The following ARID2 variants were observed in gnomAD, a reference collection of about 807,000 sequenced individuals.
The protein encoded by ARID2 is AT-rich interaction domain 2.
In ARID2, 32 loss-of-function variants were observed where a neutral mutation model predicts 184.6. The observed-to-expected ratio is 0.17, with a 90% confidence interval of 0.13 to 0.23. ARID2 has a LOEUF of 0.23. Ranked by LOEUF, ARID2 falls within the 10% of genes least tolerant of loss-of-function variation. The probability of loss-of-function intolerance (pLI) is 1.00; values close to 1 mark genes in which losing one functional copy is unlikely to be tolerated. For synonymous variants in ARID2, 836 were observed against 772.6 expected (o/e 1.08, Z -1.36); for missense variants, 1,696 against 2,197.6 (o/e 0.77, Z 4.56).
Position 45,896,099 on chromosome 12 carries a change from T to A in ARID2, c.5363+2378T>A, listed in dbSNP as rs150211819. Among the ~76,000 whole-genome samples the A allele has an allele frequency of 3.6e-3, 550 of 152,268 alleles. 1 individual carries two copies. Among genetic ancestry groups the A allele is most frequent in the Non-Finnish European group, 6.1e-3 (415 of 68,010 alleles). ...AAAAATAGAAAAATCCAGTTATGTG[T>A]GAGTGACACGAGGTGAGGGTTGCAG... On this transcript the variant is annotated intron_variant, in intron 20 of 20. Coordinates refer to ENST00000334344, the MANE Select transcript of ARID2 (RefSeq NM_152641.4).
chr12:45,848,702 G>A, intron 12 of ARID2, 134 bp from the exon 13 acceptor site: 2 of 618,990 alleles, frequency 3.2e-6, no homozygotes, highest in East Asian at 3.2e-5. Context: ...TGCTACTAAC[G>A]TATGAGTCAG....
intron 3 of ARID2, among the ~76,000 whole-genome samples, chr12:45,734,198 G>C (rs112664219): frequency 7.4e-4 from 112 of 152,060 alleles, no homozygotes; most frequent in Non-Finnish European, 1.2e-3. Context: ...GTGAAACCCC[G>C]TGTCTACCAA....
At chr12:45,768,292 G>A (rs911355481) in intron 3 of ARID2, among the ~76,000 whole-genome samples, 1 of 151,992 alleles carries the variant, frequency 6.6e-6, no homozygotes, top group African/African-American at 2.4e-5. Context: ...CTTACTCATG[G>A]TACAGAGGCT....
At chr12:45,777,500 T>G (rs1211468428) in intron 3 of ARID2, among the ~76,000 whole-genome samples, 8 of 152,070 alleles carry the variant, frequency 5.3e-5, no homozygotes, top group Admixed American at 2.6e-4. Flanking sequence ...TCTTTGGGCC[T>G]TTCTTCTTAA....
At chr12:45,871,170 G>A (rs1049203811) in intron 16 of ARID2, among the ~76,000 whole-genome samples, 4 of 152,026 alleles carry the variant, frequency 2.6e-5, no homozygotes, top group Non-Finnish European at 5.9e-5. Context: ...GGTGTGTGTT[G>A]GTATATCTGT....
chr12:45,778,585 A>G (rs993078537), intron 3 of ARID2, among the ~76,000 whole-genome samples: 68 of 152,284 alleles, frequency 4.5e-4, no homozygotes, highest in African/African-American at 1.6e-3. Flanking sequence ...CGGAAGTTAT[A>G]TACAGTGTAT....
In ARID2 at chr12:45,738,779, CTTTTTTTTTTTTTTTTTTT is replaced by C. The variant is rs11333868; in HGVS notation, c.284+7481_284+7499del. ...TTTTCTTCCTGGGGCATATGGGCTA[CTTTTTTTTTTTTTTTTTTT>C]TTTTTTTTTTTTTTTAAGGCTTTAG... On this transcript the variant is annotated intron_variant, in intron 3 of 20. Transcript: ENST00000334344. 1.2e-3 allele frequency among the ~76,000 whole-genome samples: 76 copies of C among 62,304 alleles called. 3 individuals are homozygous for C. The Admixed American group carries it at 0.013, about 11-fold the overall frequency. 40.9% of individuals were successfully genotyped at this position (62,304 alleles called of 152,430 possible).
At chr12:45,837,130 G>GT in intron 8 of ARID2, 139 bp downstream of exon 8, 1 of 1,243,488 alleles carries the variant, frequency 8.0e-7, no homozygotes, top group Non-Finnish European at 1.1e-6. Context: ...AAATGGTGAT[G>GT]TAGAAGTATC....
At chr12:45,780,031 G>A (rs1222253425) in intron 3 of ARID2, among the ~76,000 whole-genome samples, 6 of 152,150 alleles carry the variant, frequency 3.9e-5, no homozygotes, top group African/African-American at 1.4e-4. Context: ...TACAAGGATT[G>A]TGAAAGTTAA....
At chr12:45,796,737 T>TA (rs1942399095) in intron 3 of ARID2, among the ~76,000 whole-genome samples, 1 of 152,150 alleles carries the variant, frequency 6.6e-6, no homozygotes, top group South Asian at 2.1e-4. Flanking sequence ...GGTCTCGAAC[T>TA]CCTAACCTTA....
intron 3 of ARID2, among the ~76,000 whole-genome samples, chr12:45,794,411 C>T (rs537314049): frequency 1.3e-5 from 2 of 152,232 alleles, no homozygotes; most frequent in African/African-American, 4.8e-5. Context: ...TACATTGGAA[C>T]CCTTTGCTCT....
At chr12:45,730,905 G>C (rs572092064) in intron 2 of ARID2, among the ~76,000 whole-genome samples, 1 of 143,036 alleles carries the variant, frequency 7.0e-6, no homozygotes, top group South Asian at 2.2e-4. Flanking sequence ...TAGTGTAAAC[G>C]GACCGCGTTG....
chr12:45,860,980 G>C (rs769936078), intron 16 of ARID2, 31 bp downstream of exon 16: 20 of 1,459,650 alleles, frequency 1.4e-5, no homozygotes, highest in Non-Finnish European at 1.6e-5. Context: ...ATATATAAAA[G>C]TATTCTTTGT....
chr12:45,838,916 A>T (rs1456418658), intron 10 of ARID2, among the ~76,000 whole-genome samples: 1 of 146,898 alleles, frequency 6.8e-6, no homozygotes, highest in Non-Finnish European at 1.5e-5. Context: ...CCCAGGCTGG[A>T]GTGCAGTGGC....
chr12:45,735,418 CGTGTGTGTGT>C lies in ARID2; in HGVS notation c.284+4137_284+4146del, dbSNP rs56133410. ...TCAAATTTAACTTTATAAACTGTAT[CGTGTGTGTGT>C]GTGTGTGTGTGTGTGTGTGTGTGTG... On this transcript the variant is annotated intron_variant, in intron 3 of 20. Transcript: ENST00000334344. 2.2e-3 allele frequency among the ~76,000 whole-genome samples: 306 copies of C among 141,392 alleles called. 1 individual carries two copies. The highest frequency in any genetic ancestry group is 7.4e-3 in the African/African-American group (281 of 37,762). The allele number at this position is 141,392 out of a possible 152,430, so 92.8% of individuals were successfully genotyped here. A position where few individuals can be genotyped will look rare whatever the true frequency, so the allele number is the denominator to read the frequency against.
At chr12:45,801,962 G>A (rs1030347207) in intron 3 of ARID2, among the ~76,000 whole-genome samples, 2 of 152,128 alleles carry the variant, frequency 1.3e-5, no homozygotes, top group Admixed American at 1.3e-4. Flanking sequence ...TTTTTAAAGG[G>A]TTCAAGCCTA....
At chr12:45,898,909 A>G (rs1429369689) in intron 20 of ARID2, among the ~76,000 whole-genome samples, 1 of 152,124 alleles carries the variant, frequency 6.6e-6, no homozygotes, top group Non-Finnish European at 1.5e-5. Context: ...GCAAGATTGC[A>G]TCTCAAATAA....
chr12:45,775,751 G>A (rs1044085508), intron 3 of ARID2, among the ~76,000 whole-genome samples: 8 of 152,140 alleles, frequency 5.3e-5, no homozygotes, highest in African/African-American at 1.9e-4. Flanking sequence ...ACTGCCAGAT[G>A]GATGCAAATA....
At chr12:45,822,266 C>T (rs1942912083) in intron 6 of ARID2, among the ~76,000 whole-genome samples, 1 of 152,086 alleles carries the variant, frequency 6.6e-6, no homozygotes, top group African/African-American at 2.4e-5. Context: ...CCTTAGGAGG[C>T]TGAGGTGGGA....
Sources: gnomAD v4.1 joint callset for allele counts (sites outside exome capture counted in the v4.1 genomes callset) on GRCh38, gnomAD v4.1.1 for gene constraint, MANE v1.5 for transcripts, NCBI Gene and HGNC (gene_info 2026-07-23, HGNC 2026-07-21) for gene names.